Variants in STK33 observed in about 807,000 individuals in gnomAD.
STK33 encodes the protein serine/threonine-protein kinase 33.
In STK33, 52 loss-of-function variants were observed where a neutral mutation model predicts 58.0. The ratio of observed to expected loss-of-function variants is 0.90; its 90% CI spans 0.72 to 1.13. The LOEUF (loss-of-function observed/expected upper bound fraction) is 1.13. Ranked by LOEUF, STK33 falls within the 50% of genes most tolerant of loss-of-function variation. The pLI is 0.00. For synonymous variants in STK33, 215 were observed against 200.1 expected (o/e 1.07, Z -0.63); for missense variants, 630 against 604.2 (o/e 1.04, Z -0.45).
At chr11:8,550,824 GTCT>G (rs1430761994) in intron 1 of STK33, among the ~76,000 whole-genome samples, 2 of 152,112 alleles carry the variant, frequency 1.3e-5, no homozygotes, top group Non-Finnish European at 2.9e-5. Flanking sequence ...CACATTTCCT[GTCT>G]TCTTCTGAGC....
chr11:8,556,659 T>C (rs959965262), intron 1 of STK33, among the ~76,000 whole-genome samples: 1 of 152,204 alleles, frequency 6.6e-6, no homozygotes, highest in African/African-American at 2.4e-5. Flanking sequence ...TCAAAGGAAC[T>C]TGTACACTTT....
intron 14 of STK33, among the ~76,000 whole-genome samples, chr11:8,435,098 C>T (rs1194857410): frequency 6.6e-6 from 1 of 152,132 alleles, no homozygotes; most frequent in East Asian, 1.9e-4. Context: ...GAGATCATGG[C>T]TTTTCTGAGT....
intron 1 of STK33, among the ~76,000 whole-genome samples, chr11:8,529,295 G>C (rs1954318999): frequency 6.6e-6 from 1 of 152,200 alleles, no homozygotes; most frequent in African/African-American, 2.4e-5. Flanking sequence ...CTGGGCCAGA[G>C]GCAGGTAGGG....
the STK33 span, among the ~76,000 whole-genome samples, chr11:8,369,860 C>T: frequency 2.6e-5 from 4 of 152,220 alleles, no homozygotes; most frequent in African/African-American, 7.2e-5. Context: ...GATGCTAGGG[C>T]TTTAGCCTAA....
intron 1 of STK33, among the ~76,000 whole-genome samples, chr11:8,557,286 G>GGAGGGGAGGGAAGGGAGAGGAGAGAA (rs1554999846): frequency 3.2e-4 from 11 of 34,312 alleles, no homozygotes; most frequent in Admixed American, 5.5e-4. Context: ...GGAGGGGAGG[G>GGAGGGGAGGGAAGGGAGAGGAGAGAA]GAGGAGAGAA....
At chr11:8,484,532 G>A (rs544099823) in intron 1 of STK33, among the ~76,000 whole-genome samples, 47 of 152,264 alleles carry the variant, frequency 3.1e-4, no homozygotes, top group African/African-American at 9.9e-4. Flanking sequence ...AATAGCCTAC[G>A]AGCAACTTGT....
intron 2 of STK33, among the ~76,000 whole-genome samples, chr11:8,477,528 T>C (rs1309036406): frequency 6.6e-6 from 1 of 152,198 alleles, no homozygotes; most frequent in Non-Finnish European, 1.5e-5. Context: ...TACAGGTTTA[T>C]TTAACTGCAG....
chr11:8,405,183 C>T (rs1009721798), intron 15 of STK33, among the ~76,000 whole-genome samples: 1 of 152,126 alleles, frequency 6.6e-6, no homozygotes, highest in Non-Finnish European at 1.5e-5. Flanking sequence ...AAGAATAGTA[C>T]CATTTTGCAT....
chr11:8,456,765 C>G (rs1946908016), intron 9 of STK33, among the ~76,000 whole-genome samples: 1 of 152,172 alleles, frequency 6.6e-6, no homozygotes, highest in East Asian at 1.9e-4. Flanking sequence ...CTGTATGATA[C>G]TATAATGGTG....
intron 15 of STK33, among the ~76,000 whole-genome samples, chr11:8,406,690 T>A (rs1939276469): frequency 6.6e-6 from 1 of 152,298 alleles, no homozygotes; most frequent in East Asian, 1.9e-4. Context: ...AATACAATTT[T>A]TATATATAGA....
chr11:8,426,612 T>G (rs905040498), intron 14 of STK33, among the ~76,000 whole-genome samples: 19 of 152,200 alleles, frequency 1.2e-4, no homozygotes, highest in African/African-American at 4.3e-4. Flanking sequence ...CTGTCTTAAT[T>G]TTTCCAAAGA....
the STK33 span, among the ~76,000 whole-genome samples, chr11:8,349,619 G>C: frequency 2.0e-5 from 3 of 152,244 alleles, no homozygotes; most frequent in African/African-American, 7.2e-5. Context: ...TGCTGAGCCA[G>C]TTGTCTGGAG....
chr11:8,452,849 C>A lies in STK33; in HGVS notation c.844G>T (p.Ala282Ser), dbSNP rs1350403314. 5 of 1,614,080 alleles carry A rather than the reference C, an allele frequency of 3.1e-6. No individual in the cohort carries two copies. The highest frequency in any genetic ancestry group is 4.2e-6 in the Non-Finnish European group (5 of 1,179,986). ...KQSRSEAMLQ[A>S]TCGTPIYMAP... ...ATATAGATAGGAGTCCCACATGTGG[C>A]CTGCAGCATGGCTTCACTCCTACTT... Residue 282 changes from alanine (A) to serine (S), a missense_variant, in exon 11 of 16, where the codon GCC (alanine) becomes TCC (serine). Coordinates refer to ENST00000687296, the MANE Select transcript of STK33 (RefSeq NM_001352389.2).
intron 1 of STK33, among the ~76,000 whole-genome samples, chr11:8,543,044 C>T (rs1012801392): frequency 6.6e-6 from 1 of 152,124 alleles, no homozygotes; most frequent in African/African-American, 2.4e-5. Flanking sequence ...TTATTATCTC[C>T]ATCAGTTTGA....
downstream of STK33, among the ~76,000 whole-genome samples, chr11:8,388,685 C>A (rs1209405229): frequency 1.3e-5 from 2 of 152,226 alleles, no homozygotes; most frequent in Non-Finnish European, 2.9e-5. Flanking sequence ...GAAGCCCCTT[C>A]CCTGGTCTCT....
intron 1 of STK33, among the ~76,000 whole-genome samples, chr11:8,567,600 A>G (rs541578195): frequency 2.6e-4 from 40 of 152,352 alleles, no homozygotes; most frequent in Middle Eastern, 6.8e-3. Flanking sequence ...ATGCCTATAT[A>G]AACAGAGGAA....
chr11:8,394,164 G>C (rs987029981), intron 15 of STK33, among the ~76,000 whole-genome samples: 1 of 151,986 alleles, frequency 6.6e-6, no homozygotes, highest in African/African-American at 2.4e-5. Flanking sequence ...AAATTCTTTA[G>C]TATTCCCTCA....
intron 2 of STK33, among the ~76,000 whole-genome samples, chr11:8,478,244 A>G (rs1949464088): frequency 1.3e-5 from 2 of 152,202 alleles, no homozygotes; most frequent in Admixed American, 1.3e-4. Context: ...ACAAAGATTA[A>G]TAGCTCTTTT....
chr11:8,379,411 T>C, the STK33 span, among the ~76,000 whole-genome samples: 1 of 152,060 alleles, frequency 6.6e-6, no homozygotes, highest in South Asian at 2.1e-4. Flanking sequence ...GAAGAACTAA[T>C]ATCTAGAATC....
Sources: gnomAD v4.1 joint callset for allele counts (sites outside exome capture counted in the v4.1 genomes callset) on GRCh38, gnomAD v4.1.1 for gene constraint, MANE v1.5 for transcripts, NCBI Gene and HGNC (gene_info 2026-07-23, HGNC 2026-07-21) for gene names.